Variants in FLVCR2 observed in about 807,000 individuals in gnomAD.
The protein encoded by FLVCR2 is choline/ethanolamine transporter FLVCR2.
FLVCR2 carries 38 observed loss-of-function variants against 48.9 expected under a neutral mutation model. The ratio of observed to expected loss-of-function variants is 0.78; its 90% CI spans 0.60 to 1.02. The LOEUF is 1.02. FLVCR2 is among the 50% of genes least tolerant of loss of function. The pLI is 0.00. For missense variants in FLVCR2, 664 were observed against 663.3 expected (o/e 1.00, Z -0.01); for synonymous variants, 255 against 257.0 (o/e 0.99, Z 0.07).
At chr14:75,596,281 G>C (rs1044351497) in intron 1 of FLVCR2, 18 of 510,076 alleles carry the variant, frequency 3.5e-5, no homozygotes, top group Non-Finnish European at 1.4e-5. Flanking sequence ...TTGTGCATTG[G>C]AGGAGAGTAG....
rs768301565 is a variant in FLVCR2 at position 75,633,605 on chromosome 14, T to G, written c.953-24T>G. On this transcript the variant is annotated intron_variant, in intron 3 of 9. Coordinates refer to ENST00000238667, the MANE Select transcript of FLVCR2 (RefSeq NM_017791.3). Reference sequence around the variant, plus strand: ...CCCAGAAGAAAGCTGACCCTAATGTTGTATTTCTCGCTCCCTTCTTCAGGT... The same window carrying G: ...CCCAGAAGAAAGCTGACCCTAATGTGGTATTTCTCGCTCCCTTCTTCAGGT... 9 of 1,601,330 alleles carry G rather than the reference T, an allele frequency of 5.6e-6. No homozygotes were observed. The African/African-American group carries it at 1.1e-4, about 19-fold the overall frequency.
intron 6 of FLVCR2, chr14:75,640,629 C>G (rs1362961153): frequency 7.7e-6 from 3 of 390,946 alleles, no homozygotes; most frequent in African/African-American, 4.2e-5. Context: ...AGGACATAGT[C>G]TCTCAGCTGA....
intron 1 of FLVCR2, among the ~76,000 whole-genome samples, chr14:75,601,368 T>C (rs1889163022): frequency 6.6e-6 from 1 of 152,212 alleles, no homozygotes; most frequent in Admixed American, 6.5e-5. Context: ...GCTGCAGAGA[T>C]TTTGTTTATG....
chr14:75,639,398 G>A lies in FLVCR2; in HGVS notation c.1171G>A (p.Val391Met), dbSNP rs138308850. The change falls in exon 6 of 10, where the codon GTG becomes ATG. Residue 391 changes from valine (V) to methionine (M), a missense_variant. Transcript: ENST00000238667. ...VYIMTLVGMV[V>M]YTFTLNLGHL... ...TATCATGACACTGGTGGGCATGGTG[G>A]TGTACACGTTTACCTTGAACCTGGG... The A allele has an allele frequency of 1.9e-5, 30 of 1,614,022 alleles. No homozygotes were observed. In the African/African-American group the frequency reaches 3.1e-4, roughly 17 times the overall value.
chr14:75,638,167 G>T (rs767660927), intron 5 of FLVCR2, among the ~76,000 whole-genome samples: 2 of 152,154 alleles, frequency 1.3e-5, no homozygotes, highest in Non-Finnish European at 2.9e-5. Flanking sequence ...CAGGCGCAGT[G>T]GCTCACACCT....
At chr14:75,584,923 C>T (rs1341542488) in intron 1 of FLVCR2, among the ~76,000 whole-genome samples, 2 of 152,212 alleles carry the variant, frequency 1.3e-5, no homozygotes, top group South Asian at 4.1e-4. Context: ...ATGCCTTTAG[C>T]TCCAGCCACC....
chr14:75,578,898 C>A lies in FLVCR2; in HGVS notation c.-75C>A. 2.9e-6 allele frequency: 4 copies of A among 1,368,656 alleles called. No individual in the cohort carries two copies. The highest frequency in any genetic ancestry group is 4.2e-6 in the Non-Finnish European group (4 of 959,574). 84.8% of individuals were successfully genotyped at this position (1,368,656 alleles called of 1,614,324 possible). On this transcript the variant is annotated 5_prime_UTR_variant, in exon 1 of 10. Coordinates refer to ENST00000238667, the MANE Select transcript of FLVCR2 (RefSeq NM_017791.3). ...CAAGTGTCCTTTCAACTCTAAGAGA[C>A]CAGCAGAGGCCACTGTCCCTTAAGA...
intron 9 of FLVCR2, among the ~76,000 whole-genome samples, chr14:75,644,393 T>A (rs1189992144): frequency 6.6e-6 from 1 of 152,230 alleles, no homozygotes; most frequent in African/African-American, 2.4e-5. Flanking sequence ...TCCATCTCAC[T>A]CAATATTTCA....
chr14:75,637,068 AC>A (rs760722899), intron 5 of FLVCR2, among the ~76,000 whole-genome samples: 19 of 152,184 alleles, frequency 1.2e-4, no homozygotes, highest in Non-Finnish European at 1.9e-4. Flanking sequence ...GGAGACTCTG[AC>A]CTTGAGCTTT....
chr14:75,635,987 G>T (rs1474117886), intron 5 of FLVCR2, among the ~76,000 whole-genome samples: 3 of 152,224 alleles, frequency 2.0e-5, no homozygotes, highest in Non-Finnish European at 4.4e-5. Flanking sequence ...AGCAGCCTGG[G>T]TGCCTCCATT....
chr14:75,640,815 G>A, intron 6 of FLVCR2, 140 bp from the exon 7 acceptor site: 1 of 712,128 alleles, frequency 1.4e-6, no homozygotes, highest in Non-Finnish European at 2.6e-6. Flanking sequence ...CATAGAGGAT[G>A]CCCAGATCAT....
intron 1 of FLVCR2, among the ~76,000 whole-genome samples, chr14:75,596,780 G>GCCCCCCCCCCCCCCCCCCCCC (rs35205012): frequency 1.3e-5 from 1 of 78,086 alleles, no homozygotes; most frequent in African/African-American, 5.0e-5. Context: ...CTCCTCTTTT[G>GCCCCCCCCCCCCCCCCCCCCC]CCCCCCCCCC....
At chr14:75,606,850 T>A (rs10047955) in intron 1 of FLVCR2, among the ~76,000 whole-genome samples, 1 of 151,310 alleles carries the variant, frequency 6.6e-6, no homozygotes, top group Non-Finnish European at 1.5e-5. Flanking sequence ...AGGCTGAGGT[T>A]GGGGGATCAC....
chr14:75,596,341 G>T, intron 1 of FLVCR2: 1 of 359,280 alleles, frequency 2.8e-6, no homozygotes, highest in Non-Finnish European at 5.2e-6. Flanking sequence ...AAGGTAGACG[G>T]GGTAGGTCTG....
chr14:75,599,998 G>C, intron 1 of FLVCR2, among the ~76,000 whole-genome samples: 1 of 152,256 alleles, frequency 6.6e-6, no homozygotes, highest in African/African-American at 2.4e-5. Flanking sequence ...CACCTACTGG[G>C]CTGCACTCCC....
intron 1 of FLVCR2, among the ~76,000 whole-genome samples, chr14:75,620,574 GT>G (rs1228526564): frequency 6.6e-6 from 1 of 152,146 alleles, no homozygotes; most frequent in Non-Finnish European, 1.5e-5. Context: ...TTGTATTTTT[GT>G]TTTAACATTT....
At chr14:75,642,170 G>A (rs757833216) in intron 9 of FLVCR2, among the ~76,000 whole-genome samples, 6 of 152,120 alleles carry the variant, frequency 3.9e-5, no homozygotes, top group South Asian at 2.1e-4. Flanking sequence ...GTGTGTCACC[G>A]TTGTCACAGT....
At chr14:75,610,697 G>C (rs1015848783) in intron 1 of FLVCR2, among the ~76,000 whole-genome samples, 1 of 152,206 alleles carries the variant, frequency 6.6e-6, no homozygotes, top group South Asian at 2.1e-4. Context: ...AGGGTGCCTA[G>C]TATGCAGCAG....
At chr14:75,608,414 G>C (rs1889352421) in intron 1 of FLVCR2, among the ~76,000 whole-genome samples, 5 of 152,314 alleles carry the variant, frequency 3.3e-5, no homozygotes. Context: ...GCTGCAGAGG[G>C]GCCTTTTGCC....
Sources: allele counts gnomAD v4.1 joint callset (sites outside exome capture counted in the v4.1 genomes callset), GRCh38; gene constraint gnomAD v4.1.1; transcripts MANE v1.5; gene names NCBI Gene and HGNC (gene_info 2026-07-23, HGNC 2026-07-21).